PCDH15: variants seen among roughly 807,000 people sequenced by gnomAD.
PCDH15 encodes the protein protocadherin-15.
A neutral mutation model predicts 178.5 loss-of-function variants in PCDH15; 129 were observed. The observed-to-expected ratio is 0.72, with a 90% confidence interval of 0.63 to 0.84. The LOEUF is 0.84. Ranked by LOEUF, PCDH15 falls within the 40% of genes least tolerant of loss-of-function variation. The pLI is 0.00. For synonymous variants in PCDH15, 800 were observed against 732.0 expected, an observed-to-expected ratio of 1.09 and a Z score of -1.50; for missense variants, 2,230 against 2,099.9, an observed-to-expected ratio of 1.06 and a Z score of -1.21.
At chr10:54,387,197 C>T (rs1053261901) in intron 3 of PCDH15, among the ~76,000 whole-genome samples, 1 of 152,060 alleles carries the variant, frequency 6.6e-6, no homozygotes, top group Admixed American at 6.6e-5. Context: ...AACAGTATTA[C>T]CACGTGATTC....
chr10:54,937,776 C>A (rs1733763), intron 2 of PCDH15, among the ~76,000 whole-genome samples: 119,720 of 151,892 alleles, frequency 0.79, 47,986 homozygotes, highest in African/African-American at 0.89. Flanking sequence ...AATTTTCCAT[C>A]TGCAAAATTA....
chr10:53,974,450 G>T (rs1319534300), intron 21 of PCDH15, among the ~76,000 whole-genome samples: 1 of 151,872 alleles, frequency 6.6e-6, no homozygotes, highest in Non-Finnish European at 1.5e-5. Context: ...ATTTGTAAGA[G>T]AAATTTAAAA....
chr10:53,874,418 C>G (rs11003897), intron 26 of PCDH15, among the ~76,000 whole-genome samples: 12,851 of 152,114 alleles, frequency 0.084, 1,608 homozygotes, highest in African/African-American at 0.27. Flanking sequence ...CGAAATACAG[C>G]CCCTCATTTT....
chr10:55,280,491 G>A (rs990297863), intron 1 of PCDH15, among the ~76,000 whole-genome samples: 1 of 131,550 alleles, frequency 7.6e-6, no homozygotes, highest in Admixed American at 8.3e-5. Flanking sequence ...GTTTTACCAA[G>A]TTGGTCAGGC....
At chr10:55,025,982 A>T (rs542543096) in intron 2 of PCDH15, among the ~76,000 whole-genome samples, 1 of 152,058 alleles carries the variant, frequency 6.6e-6, no homozygotes, top group Non-Finnish European at 1.5e-5. Context: ...TAAGATGAAA[A>T]AAATACCTGG....
intron 18 of PCDH15, among the ~76,000 whole-genome samples, chr10:54,058,132 T>A (rs2093937363): frequency 6.6e-6 from 1 of 152,174 alleles, no homozygotes; most frequent in Non-Finnish European, 1.5e-5. Context: ...TCCCACATTT[T>A]CCTATTTTCT....
intron 1 of PCDH15, among the ~76,000 whole-genome samples, chr10:54,670,333 G>T (rs562848795): frequency 4.8e-4 from 73 of 152,144 alleles, no homozygotes; most frequent in Non-Finnish European, 9.1e-4. Flanking sequence ...AACACATAAG[G>T]TAAGTCCAAG....
chr10:53,832,024 A>ATGCTTGTGTACTTT lies in PCDH15; in HGVS notation c.3984-492_3984-491insAAAGTACACAAGCA, dbSNP rs1564565543. Among the ~76,000 whole-genome samples, 107 of 151,372 alleles carry ATGCTTGTGTACTTT rather than the reference A, an allele frequency of 7.1e-4. 2 individuals carry two copies. The highest frequency in any genetic ancestry group is 2.6e-3 in the African/African-American group (105 of 40,842). On this transcript the variant is annotated intron_variant, in intron 29 of 37. Transcript: ENST00000644397. ...AACAAATCTGAGGCACCAAACTAAG[A>ATGCTTGTGTACTTT]TTTCAGACTCAAACTCTGTATTTGT...
chr10:53,978,398 T>C (rs1404387771), intron 21 of PCDH15, among the ~76,000 whole-genome samples: 1 of 152,140 alleles, frequency 6.6e-6, no homozygotes, highest in East Asian at 1.9e-4. Flanking sequence ...AACTGTACCT[T>C]GGCCCATTTT....
rs933459866 is a variant in PCDH15, at chr10:54,194,722, G to GTCTA, written c.1305+957_1305+960dup. ...TATGTGTATGTATACCTGTGTATAT[G>GTCTA]TCTATCTATCTATCTATCTATATAT... On this transcript the variant is annotated intron_variant, in intron 11 of 37. Transcript: ENST00000644397. 5.0e-4 allele frequency among the ~76,000 whole-genome samples: 72 copies of GTCTA among 143,164 alleles called. 1 individual carries two copies. Among genetic ancestry groups the GTCTA allele is most frequent in the Admixed American group, 1.7e-3 (24 of 14,534 alleles). 93.9% of individuals were successfully genotyped at this position (143,164 alleles called of 152,430 possible). A position where few individuals can be genotyped will look rare whatever the true frequency, so the allele number is the denominator to read the frequency against.
chr10:54,314,091 T>G, intron 8 of PCDH15, among the ~76,000 whole-genome samples: 1 of 150,526 alleles, frequency 6.6e-6, no homozygotes, highest in East Asian at 1.9e-4. Context: ...TATATTTTTC[T>G]TTTTCCTTTT....
chr10:55,583,475 C>A (rs1842663542), intron 2 of PCDH15, among the ~76,000 whole-genome samples: 1 of 152,016 alleles, frequency 6.6e-6, no homozygotes, highest in Admixed American at 6.6e-5. Flanking sequence ...ACTCTGTTGC[C>A]CAGGCTGCAG....
At chr10:54,951,128 G>T (rs1030864550) in intron 2 of PCDH15, among the ~76,000 whole-genome samples, 1 of 151,820 alleles carries the variant, frequency 6.6e-6, no homozygotes, top group Admixed American at 6.6e-5. Flanking sequence ...TAGACTATGG[G>T]TTTTGACAAA....
chr10:54,322,958 A>C (rs857384), intron 7 of PCDH15, among the ~76,000 whole-genome samples: 2,165 of 152,244 alleles, frequency 0.014, 44 homozygotes, highest in African/African-American at 0.045. Flanking sequence ...TATGCAAACT[A>C]TGCATCTGAC....
At chr10:53,964,474 T>C (rs1453518218) in intron 21 of PCDH15, among the ~76,000 whole-genome samples, 1 of 49,330 alleles carries the variant, frequency 2.0e-5, no homozygotes, top group Non-Finnish European at 4.1e-5. Context: ...TTTTTATAAA[T>C]TTATTTAAAA....
intron 2 of PCDH15, among the ~76,000 whole-genome samples, chr10:54,998,179 G>A (rs1272426676): frequency 6.6e-6 from 1 of 152,018 alleles, no homozygotes; most frequent in African/African-American, 2.4e-5. Flanking sequence ...CTATGGCAAA[G>A]TTTTGCCATA....
At chr10:54,592,004 G>A (rs1338818104) in intron 2 of PCDH15, among the ~76,000 whole-genome samples, 1 of 151,968 alleles carries the variant, frequency 6.6e-6, no homozygotes, top group Non-Finnish European at 1.5e-5. Flanking sequence ...GACAATCAAT[G>A]TTCCAAAAAA....
chr10:54,242,903 T>A (rs541206205), intron 8 of PCDH15, among the ~76,000 whole-genome samples: 46 of 152,306 alleles, frequency 3.0e-4, no homozygotes, highest in African/African-American at 8.4e-4. Flanking sequence ...CAAACTTTGA[T>A]GTATTATATA....
rs572155565 is a variant in PCDH15, at chr10:55,469,014, T to G, written c.-156+158611A>C. On this transcript the variant is annotated intron_variant, in intron 2 of 5. Transcript: ENST00000613346. ...CAACTGTCATAGTGAAAAAAAAGTGTTTTTTTTAAAAGAAGCATCTGATAA... is the reference window on the plus strand; with the variant it reads ...CAACTGTCATAGTGAAAAAAAAGTGGTTTTTTTAAAAGAAGCATCTGATAA... 4.6e-5 allele frequency: 7 copies of G among 151,972 alleles called. No homozygotes were observed. The South Asian group carries it at 1.5e-3, about 32-fold the overall frequency. 9.4% of individuals were successfully genotyped at this position (151,972 alleles called of 1,614,324 possible).
Sources: allele counts gnomAD v4.1 joint callset (sites outside exome capture counted in the v4.1 genomes callset), GRCh38; gene constraint gnomAD v4.1.1; transcripts MANE v1.5; gene names NCBI Gene and HGNC (gene_info 2026-07-23, HGNC 2026-07-21).